The following NRG1 variants were observed in gnomAD, a reference collection of about 807,000 sequenced individuals.
The protein encoded by NRG1 is pro-neuregulin-1, membrane-bound isoform.
In NRG1, 18 loss-of-function variants were observed where a neutral mutation model predicts 63.8. The ratio of observed to expected loss-of-function variants is 0.28; its 90% CI spans 0.19 to 0.42. The LOEUF (loss-of-function observed/expected upper bound fraction) is 0.42. NRG1 is among the 10% of genes least tolerant of loss of function. NRG1 has a pLI of 1.00. For synonymous variants in NRG1, 302 were observed against 301.3 expected, an observed-to-expected ratio of 1.00 and a Z score of -0.02; for missense variants, 762 against 814.7, an observed-to-expected ratio of 0.94 and a Z score of 0.79.
At position 31,859,516 on chromosome 8, in the gene NRG1, C is replaced by T. The variant is rs150685197; in HGVS notation, c.37+220085C>T. ...ATAGGAAATACTATATATATTTGGC[C>T]GCTGAAGTGCTATAATGATGCCCTA... On this transcript the variant is annotated intron_variant, in intron 1 of 10. Transcript: ENST00000519301. 2.1e-3 allele frequency among the ~76,000 whole-genome samples: 326 copies of T among 152,236 alleles called. 1 individual carries two copies. Among genetic ancestry groups the T allele is most frequent in the African/African-American group, 7.1e-3 (294 of 41,546 alleles).
intron 5 of NRG1, among the ~76,000 whole-genome samples, chr8:32,683,071 A>C (rs1175327867): frequency 6.6e-6 from 1 of 152,214 alleles, no homozygotes; most frequent in African/African-American, 2.4e-5. Context: ...TATGCACAAC[A>C]AGAATTCTGA....
chr8:32,273,314 C>A (rs1229215594), intron 1 of NRG1, among the ~76,000 whole-genome samples: 2 of 152,026 alleles, frequency 1.3e-5, no homozygotes, highest in East Asian at 3.9e-4. Context: ...CCCCTCCCGA[C>A]TTTTGGAACA....
intron 1 of NRG1, among the ~76,000 whole-genome samples, chr8:31,895,412 G>T (rs1305842880): frequency 6.6e-6 from 1 of 152,188 alleles, no homozygotes; most frequent in Non-Finnish European, 1.5e-5. Context: ...TCTATCTGTT[G>T]GTTTTCAAAT....
intron 1 of NRG1, among the ~76,000 whole-genome samples, chr8:31,929,146 C>T (rs866576154): frequency 5.3e-5 from 8 of 152,220 alleles, no homozygotes; most frequent in African/African-American, 1.7e-4. Context: ...AACACAGGTT[C>T]CCAACCAGAA....
At chr8:32,035,535 T>G (rs1009877400) in intron 1 of NRG1, among the ~76,000 whole-genome samples, 3 of 152,172 alleles carry the variant, frequency 2.0e-5, no homozygotes, top group African/African-American at 7.2e-5. Context: ...ATATTGACAG[T>G]GGGGTGTTAA....
intron 1 of NRG1, among the ~76,000 whole-genome samples, chr8:31,852,094 C>T (rs1827296419): frequency 6.6e-6 from 1 of 151,696 alleles, no homozygotes; most frequent in South Asian, 2.1e-4. Context: ...TTTATAGCAG[C>T]ATGATTTACA....
At chr8:31,966,461 A>G (rs1309096179) in intron 1 of NRG1, among the ~76,000 whole-genome samples, 2 of 152,258 alleles carry the variant, frequency 1.3e-5, no homozygotes, top group Admixed American at 1.3e-4. Flanking sequence ...TAGTTAGCCA[A>G]AATTCAAGAG....
chr8:32,442,055 CTAA>C (rs1563469958), intron 1 of NRG1, among the ~76,000 whole-genome samples: 4 of 151,986 alleles, frequency 2.6e-5, no homozygotes. Flanking sequence ...CTTTATCTCA[CTAA>C]TGTGTCATGC....
chr8:32,535,118 G>C (rs887252976), intron 1 of NRG1, among the ~76,000 whole-genome samples: 5 of 152,096 alleles, frequency 3.3e-5, no homozygotes, highest in African/African-American at 1.2e-4. Flanking sequence ...TGATTTTGTA[G>C]ATTTAAAATA....
exon 12 of NRG1, chr8:32,766,116 A>G (rs1245458464): frequency 6.6e-6 from 1 of 152,132 alleles, no homozygotes; most frequent in Non-Finnish European, 1.5e-5. Context: ...AACTGAATGT[A>G]TTTCTTCACC....
chr8:32,761,028 C>A, intron 11 of NRG1: 2 of 979,592 alleles, frequency 2.0e-6, no homozygotes, highest in Non-Finnish European at 2.4e-6. Flanking sequence ...AAAGCAGATA[C>A]TGCCTTCAAG....
At chr8:32,109,952 T>C (rs1056864419) in intron 1 of NRG1, among the ~76,000 whole-genome samples, 30 of 152,176 alleles carry the variant, frequency 2.0e-4, no homozygotes, top group African/African-American at 7.0e-4. Flanking sequence ...TATGGCACTT[T>C]AGGCAAATTC....
chr8:32,595,772 C>A, intron 1 of NRG1, 56 bp from the exon 2 acceptor site: 2 of 1,516,104 alleles, frequency 1.3e-6, no homozygotes, highest in South Asian at 2.5e-5. Context: ...AAATGTTTCT[C>A]TTTGAAAGAT....
intron 1 of NRG1, among the ~76,000 whole-genome samples, chr8:31,683,444 C>T (rs1808546109): frequency 6.6e-6 from 1 of 152,056 alleles, no homozygotes; most frequent in African/African-American, 2.4e-5. Flanking sequence ...CGAAAGAAGC[C>T]AATCTGCAAA....
At chr8:31,678,259 G>A (rs1807934505) in intron 1 of NRG1, among the ~76,000 whole-genome samples, 1 of 151,992 alleles carries the variant, frequency 6.6e-6, no homozygotes, top group African/African-American at 2.4e-5. Flanking sequence ...CTTATTCTAT[G>A]CCCCTTTATC....
At chr8:32,147,609 A>T (rs941730355) in intron 1 of NRG1, among the ~76,000 whole-genome samples, 2 of 152,208 alleles carry the variant, frequency 1.3e-5, no homozygotes, top group African/African-American at 4.8e-5. Flanking sequence ...ATCATCTCTC[A>T]TATCTAATCC....
intron 1 of NRG1, among the ~76,000 whole-genome samples, chr8:31,881,571 A>G (rs1173734089): frequency 6.6e-6 from 1 of 152,220 alleles, no homozygotes. Context: ...CCTAGAAAGG[A>G]TTGAGCTTAA....
chr8:32,420,542 T>TC (rs1491528028), intron 1 of NRG1, among the ~76,000 whole-genome samples: 31 of 140,394 alleles, frequency 2.2e-4, no homozygotes, highest in South Asian at 6.6e-4. Context: ...TCTCTCTCTC[T>TC]TTTTTTTTTT....
chr8:32,515,141 A>G (rs971603876), intron 1 of NRG1, among the ~76,000 whole-genome samples: 3 of 152,232 alleles, frequency 2.0e-5, no homozygotes, highest in Non-Finnish European at 4.4e-5. Flanking sequence ...ATACTTAGTA[A>G]TGGAATTGCT....
Sources: allele counts gnomAD v4.1 joint callset (sites outside exome capture counted in the v4.1 genomes callset), GRCh38; gene constraint gnomAD v4.1.1; transcripts MANE v1.5; gene names NCBI Gene and HGNC (gene_info 2026-07-23, HGNC 2026-07-21).